RNF144A: variants seen among roughly 807,000 people sequenced by gnomAD.
The protein encoded by RNF144A is ring finger protein 144A.
Under a neutral mutation model 38.7 loss-of-function variants are expected in RNF144A, and 11 were observed. That is an observed-to-expected ratio of 0.28 (90% CI 0.18 to 0.47). The LOEUF (loss-of-function observed/expected upper bound fraction) is 0.47. Among genes scored for constraint, RNF144A ranks in the 20% least tolerant of loss-of-function variants. The pLI, the probability that RNF144A is intolerant of heterozygous loss-of-function variation, is 0.99. For missense variants in RNF144A, 316 were observed against 377.2 expected, an observed-to-expected ratio of 0.84 and a Z score of 1.34; for synonymous variants, 149 against 143.9, an observed-to-expected ratio of 1.04 and a Z score of -0.25.
chr2:7,008,855 C>T (rs1397548760), intron 3 of RNF144A, among the ~76,000 whole-genome samples: 1 of 152,244 alleles, frequency 6.6e-6, no homozygotes, highest in Non-Finnish European at 1.5e-5. Context: ...CCCTGCATGC[C>T]ACCCCACAAA....
intron 2 of RNF144A, among the ~76,000 whole-genome samples, chr2:6,969,858 T>A (rs1422487286): frequency 2.6e-5 from 4 of 151,990 alleles, no homozygotes; most frequent in Non-Finnish European, 5.9e-5. Flanking sequence ...GCTTCCCGGG[T>A]TCACATCATT....
chr2:7,012,160 A>T (rs532430662), intron 3 of RNF144A, among the ~76,000 whole-genome samples: 1 of 152,236 alleles, frequency 6.6e-6, no homozygotes, highest in African/African-American at 2.4e-5. Context: ...GACAAACTTC[A>T]TAATAGAAAG....
At chr2:6,950,875 TA>T (rs1273532481) in intron 2 of RNF144A, among the ~76,000 whole-genome samples, 1 of 152,214 alleles carries the variant, frequency 6.6e-6, no homozygotes, top group Non-Finnish European at 1.5e-5. Flanking sequence ...GTATTTTTCT[TA>T]TTGATTTGAA....
rs143860620 is a variant in RNF144A, at chr2:7,068,149, A to G, written c.735-67A>G. ...GTCCCTCTATTGTGATGTGATTTACACAAGTATCATTGAGTAAGCTTTTCT... is the reference window on the plus strand; with the variant it reads ...GTCCCTCTATTGTGATGTGATTTACGCAAGTATCATTGAGTAAGCTTTTCT... On this transcript the variant is annotated intron_variant, in intron 6 of 6. Transcript: ENST00000432850. 2.1e-4 allele frequency: 172 copies of G among 812,500 alleles called. 2 individuals are homozygous for G. The African/African-American group carries it at 2.7e-3, about 13-fold the overall frequency. 50.3% of individuals were successfully genotyped at this position (812,500 alleles called of 1,614,324 possible).
chr2:6,978,527 G>T (rs1011283036), intron 2 of RNF144A: 6 of 152,366 alleles, frequency 3.9e-5, no homozygotes, highest in African/African-American at 1.2e-4. Flanking sequence ...GTTATTGTGG[G>T]TATTCCCAGC....
At chr2:7,060,377 C>T (rs1673905508) in intron 6 of RNF144A, among the ~76,000 whole-genome samples, 1 of 152,098 alleles carries the variant, frequency 6.6e-6, no homozygotes, top group African/African-American at 2.4e-5. Context: ...TGTGCTGTTC[C>T]AAGCTGTCTG....
chr2:6,997,093 G>A (rs1669797342), intron 3 of RNF144A, 32 bp downstream of exon 3: 1 of 1,607,456 alleles, frequency 6.2e-7, no homozygotes, highest in Non-Finnish European at 8.5e-7. Flanking sequence ...ATATGTTACA[G>A]TGATTTTAGG....
chr2:6,973,501 G>A (rs539174137), intron 2 of RNF144A, among the ~76,000 whole-genome samples: 11 of 152,204 alleles, frequency 7.2e-5, no homozygotes, highest in Non-Finnish European at 1.5e-4. Flanking sequence ...TCACTTCACA[G>A]TACAGGGCGG....
chr2:7,066,914 T>C (rs547514715), intron 6 of RNF144A, among the ~76,000 whole-genome samples: 192 of 152,344 alleles, frequency 1.3e-3, no homozygotes, highest in Non-Finnish European at 2.3e-3. Flanking sequence ...GGCTTTTAAC[T>C]GTTTAGTCTG....
chr2:7,042,165 C>T lies in RNF144A; in HGVS notation c.*2405C>T, dbSNP rs1051522848. ...ATACCAGCAAGATCACTCTGAGATA[C>T]ATAAACTCGCATTTCCTTCTGTTTT... On this transcript the variant is annotated 3_prime_UTR_variant, in exon 9 of 9. Coordinates refer to ENST00000320892, the MANE Select transcript of RNF144A (RefSeq NM_014746.6). 7.1e-6 allele frequency: 7 copies of T among 985,048 alleles called. No homozygotes were observed. Among genetic ancestry groups the T allele is most frequent in the South Asian group, 4.7e-5 (1 of 21,294 alleles). The allele number at this position is 985,048 out of a possible 1,614,324, so 61.0% of individuals were successfully genotyped here.
At chr2:7,031,395 C>G (rs1436735614) in intron 8 of RNF144A, among the ~76,000 whole-genome samples, 1 of 152,232 alleles carries the variant, frequency 6.6e-6, no homozygotes. Context: ...AGCAAGGACA[C>G]AGAACCTAAT....
At chr2:7,071,730 G>A (rs867519685), downstream of RNF144A, among the ~76,000 whole-genome samples, 11 of 152,182 alleles carry the variant, frequency 7.2e-5, no homozygotes, top group Admixed American at 6.5e-5. Flanking sequence ...TCAATGTGGC[G>A]AGGCTAGGGT....
At chr2:7,024,017 G>A (rs1437152793) in intron 6 of RNF144A, among the ~76,000 whole-genome samples, 1 of 152,152 alleles carries the variant, frequency 6.6e-6, no homozygotes, top group East Asian at 1.9e-4. Context: ...CTGTGAATAA[G>A]GATACAATAT....
At chr2:7,011,817 T>C (rs1348241473) in intron 3 of RNF144A, among the ~76,000 whole-genome samples, 1 of 152,164 alleles carries the variant, frequency 6.6e-6, no homozygotes, top group East Asian at 1.9e-4. Flanking sequence ...CTGGGCTTGT[T>C]TTTGATGGAT....
chr2:7,016,727 G>T (rs146115054), intron 5 of RNF144A, among the ~76,000 whole-genome samples: 1 of 152,008 alleles, frequency 6.6e-6, no homozygotes, highest in Non-Finnish European at 1.5e-5. Context: ...CCTTGAAAGA[G>T]TTTGGAGACA....
intron 1 of RNF144A, among the ~76,000 whole-genome samples, chr2:6,923,459 C>T (rs1050359859): frequency 7.9e-5 from 12 of 152,356 alleles, no homozygotes; most frequent in African/African-American, 2.9e-4. Flanking sequence ...CCTGCCTTGG[C>T]TCCAGCCTGT....
At chr2:7,064,940 A>C (rs1674139748) in intron 6 of RNF144A, among the ~76,000 whole-genome samples, 1 of 152,230 alleles carries the variant, frequency 6.6e-6, no homozygotes, top group Non-Finnish European at 1.5e-5. Context: ...CCAAGCCCTG[A>C]GAACTCGGGG....
chr2:7,019,424 C>T (rs1457047566), intron 5 of RNF144A, among the ~76,000 whole-genome samples: 1 of 152,172 alleles, frequency 6.6e-6, no homozygotes, highest in Non-Finnish European at 1.5e-5. Flanking sequence ...CGGGAGCTGC[C>T]CGGCGGCCAG....
downstream of RNF144A, among the ~76,000 whole-genome samples, chr2:7,071,098 C>T (rs1674465956): frequency 6.6e-6 from 1 of 152,052 alleles, no homozygotes. Context: ...CCATGCCAGG[C>T]TAATTTTTTG....
Sources: gnomAD v4.1 joint callset for allele counts (sites outside exome capture counted in the v4.1 genomes callset) on GRCh38, gnomAD v4.1.1 for gene constraint, MANE v1.5 for transcripts, NCBI Gene and HGNC (gene_info 2026-07-23, HGNC 2026-07-21) for gene names.